Variants in SLC39A9 observed in about 807,000 individuals in gnomAD.
The protein encoded by SLC39A9 is zinc transporter ZIP9.
Under a neutral mutation model 28.4 loss-of-function variants are expected in SLC39A9, and 14 were observed. That is an observed-to-expected ratio of 0.49 (90% CI 0.33 to 0.77). The LOEUF (loss-of-function observed/expected upper bound fraction) is 0.77. SLC39A9 is among the 30% of genes least tolerant of loss of function. The pLI, the probability that SLC39A9 is intolerant of heterozygous loss-of-function variation, is 0.02. For missense variants in SLC39A9, 283 were observed against 381.1 expected (o/e 0.74, Z 2.14); for synonymous variants, 119 against 149.6 (o/e 0.80, Z 1.49).
Position 69,458,636 on chromosome 14 carries a change from G to C in SLC39A9, c.*43G>C. 6.5e-7 allele frequency: 1 copy of C among 1,538,230 alleles called. No homozygotes were observed. The highest frequency in any genetic ancestry group is 8.8e-7 in the Non-Finnish European group (1 of 1,137,372). The stretch of plus-strand genomic sequence containing the variant: ...TTGGTCCAGGGCCGTTTGCCATCCA[G>C]TGAGAACAGCCGGCACGTGACAGCT... On this transcript the variant is annotated 3_prime_UTR_variant, in exon 7 of 7. Coordinates refer to ENST00000336643, the MANE Select transcript of SLC39A9 (RefSeq NM_018375.5).
chr14:69,442,170 C>G lies in SLC39A9; in HGVS notation c.307C>G (p.Gln103Glu). Residue 103 changes from glutamine (Q) to glutamate (E), a missense_variant, in exon 3 of 7, where the codon CAG becomes GAG. Transcript: ENST00000336643. ...ACATGAGCACAGCCACGACCACACA[C>G]AGCTGCATGCCTATATTGGTGTTTC... ...HEHEHSHDHT[Q>E]LHAYIGVSLV... 1 of 1,614,238 alleles carries G rather than the reference C, an allele frequency of 6.2e-7. No individual in the cohort carries two copies. Among genetic ancestry groups the G allele is most frequent in the Non-Finnish European group, 8.5e-7 (1 of 1,180,038 alleles).
chr14:69,422,026 G>A (rs569114784), intron 1 of SLC39A9, among the ~76,000 whole-genome samples: 157 of 152,074 alleles, frequency 1.0e-3, no homozygotes, highest in Non-Finnish European at 1.8e-3. Flanking sequence ...TGTCCAACCC[G>A]TCCCAGTGAG....
At chr14:69,446,675 C>T (rs2139435679) in intron 3 of SLC39A9, among the ~76,000 whole-genome samples, 1 of 151,926 alleles carries the variant, frequency 6.6e-6, no homozygotes, top group African/African-American at 2.4e-5. Context: ...GAGTTCAAGA[C>T]CAGCCTGGCC....
intron 1 of SLC39A9, among the ~76,000 whole-genome samples, chr14:69,419,172 A>G (rs1402722907): frequency 1.3e-5 from 2 of 152,126 alleles, no homozygotes; most frequent in Non-Finnish European, 2.9e-5. Flanking sequence ...ACTGCTTTAA[A>G]TGTGTCCCAG....
At chr14:69,424,223 A>G in intron 2 of SLC39A9, 21 bp downstream of exon 2, 1 of 1,551,114 alleles carries the variant, frequency 6.4e-7, no homozygotes, top group Non-Finnish European at 8.9e-7. Context: ...GAAGAGCATT[A>G]TTTGAGATAT....
intron 3 of SLC39A9, among the ~76,000 whole-genome samples, chr14:69,445,338 A>G (rs942324413): frequency 1.3e-5 from 2 of 152,148 alleles, no homozygotes; most frequent in Non-Finnish European, 2.9e-5. Flanking sequence ...CAATGTGAAG[A>G]TGATGAGGAT....
chr14:69,453,355 G>T, intron 4 of SLC39A9, 46 bp downstream of exon 4: 1 of 1,555,358 alleles, frequency 6.4e-7, no homozygotes, highest in South Asian at 1.1e-5. Context: ...TATCGCACAG[G>T]GGAGACCTTA....
rs1357033187 is a variant in SLC39A9 at position 69,459,857 on chromosome 14, A to G, written c.*1264A>G. 2 of 985,074 alleles carry G rather than the reference A, an allele frequency of 2.0e-6. No homozygotes were observed. Among genetic ancestry groups the G allele is most frequent in the Non-Finnish European group, 2.4e-6 (2 of 829,760 alleles). The allele number at this position is 985,074 out of a possible 1,614,324, so 61.0% of individuals were successfully genotyped here. A position where few individuals can be genotyped will look rare whatever the true frequency, so the allele number is the denominator to read the frequency against. On this transcript the variant is annotated 3_prime_UTR_variant, in exon 7 of 7. Coordinates refer to ENST00000336643, the MANE Select transcript of SLC39A9 (RefSeq NM_018375.5). ...TTCTTATCAGGACAACCACTTCTCG[A>G]ACTGTAATAATGAAGATAATAATAT... is the stretch of plus-strand genomic sequence containing the variant.
Position 69,461,904 on chromosome 14 carries a change from T to C in SLC39A9, c.*3311T>C, listed in dbSNP as rs1011767197. 9.1e-6 allele frequency: 6 copies of C among 656,292 alleles called. No homozygotes were observed. Among genetic ancestry groups the C allele is most frequent in the Admixed American group, 3.1e-5 (1 of 32,338 alleles). The allele number at this position is 656,292 out of a possible 1,614,324, so 40.7% of individuals were successfully genotyped here. A position where few individuals can be genotyped will look rare whatever the true frequency, so the allele number is the denominator to read the frequency against. ...TGCAGTGTTAAGTGAAAATCCTCTG[T>C]AGTTGTTCTGCAGAGGAACCTTCCT... On this transcript the variant is annotated 3_prime_UTR_variant, in exon 7 of 7. Transcript: ENST00000336643.
rs1463582534 is a variant in SLC39A9 at position 69,461,534 on chromosome 14, A to C, written c.*2941A>C. The C allele has an allele frequency of 6.9e-7, 1 of 1,449,326 alleles. No homozygotes were observed. The highest frequency in any genetic ancestry group is 2.5e-5 in the East Asian group (1 of 39,946). The allele number at this position is 1,449,326 out of a possible 1,614,324, so 89.8% of individuals were successfully genotyped here. A position where few individuals can be genotyped will look rare whatever the true frequency, so the allele number is the denominator to read the frequency against. On this transcript the variant is annotated 3_prime_UTR_variant, in exon 7 of 7. Transcript: ENST00000336643. ...TCACCTCTTTCTTTCCCAATTCAAAACAGCCAAGTGAGCCCTGTTCTGGTA... is the reference window on the plus strand; with the variant it reads ...TCACCTCTTTCTTTCCCAATTCAAACCAGCCAAGTGAGCCCTGTTCTGGTA...
At chr14:69,408,703 C>T (rs1044038395) in intron 1 of SLC39A9, among the ~76,000 whole-genome samples, 1 of 152,156 alleles carries the variant, frequency 6.6e-6, no homozygotes, top group Non-Finnish European at 1.5e-5. Context: ...GTTTGTGAGT[C>T]TACAAGCCTC....
chr14:69,456,649 C>T (rs951409992), intron 6 of SLC39A9, among the ~76,000 whole-genome samples: 6 of 152,194 alleles, frequency 3.9e-5, no homozygotes, highest in Non-Finnish European at 7.3e-5. Flanking sequence ...AACAACCCTC[C>T]GCATTTTACC....
rs1886031956 is a variant in SLC39A9 at position 69,459,655 on chromosome 14, C to A, written c.*1062C>A. On this transcript the variant is annotated 3_prime_UTR_variant, in exon 7 of 7. Coordinates refer to ENST00000336643, the MANE Select transcript of SLC39A9 (RefSeq NM_018375.5). ...GGCGACACTGTGTCTTCTCACATAACCACCTGTAGCAAGATGGATCATAAA... is the reference window on the plus strand; with the variant it reads ...GGCGACACTGTGTCTTCTCACATAAACACCTGTAGCAAGATGGATCATAAA... 2 of 984,656 alleles carry A rather than the reference C, an allele frequency of 2.0e-6. No individual in the cohort carries two copies. Among genetic ancestry groups the A allele is most frequent in the Non-Finnish European group, 2.4e-6 (2 of 829,714 alleles). The allele number at this position is 984,656 out of a possible 1,614,324, so 61.0% of individuals were successfully genotyped here. A position where few individuals can be genotyped will look rare whatever the true frequency, so the allele number is the denominator to read the frequency against.
chr14:69,426,864 G>T (rs1440561440), intron 2 of SLC39A9, among the ~76,000 whole-genome samples: 1 of 152,038 alleles, frequency 6.6e-6, no homozygotes, highest in Non-Finnish European at 1.5e-5. Flanking sequence ...GTATATGTTT[G>T]TAAGTGTATA....
chr14:69,435,820 G>A lies in SLC39A9; in HGVS notation c.206-6249G>A, dbSNP rs183670329. ...CACAAGTAGCTGAGATTACAGGGGT[G>A]TGCCACCACGCCTGGCTTATTTTTG... On this transcript the variant is annotated intron_variant, in intron 2 of 6. Transcript: ENST00000336643. Among the ~76,000 whole-genome samples, 310 of 152,086 alleles carry A rather than the reference G, an allele frequency of 2.0e-3. 1 individual carries two copies. The highest frequency in any genetic ancestry group is 7.2e-3 in the African/African-American group (299 of 41,528).
intron 1 of SLC39A9, among the ~76,000 whole-genome samples, chr14:69,405,806 T>G (rs1348876317): frequency 6.6e-6 from 1 of 152,212 alleles, no homozygotes; most frequent in African/African-American, 2.4e-5. Flanking sequence ...GATACTATAT[T>G]GATAAACATA....
chr14:69,453,351 A>C, intron 4 of SLC39A9, 42 bp downstream of exon 4: 1 of 1,561,230 alleles, frequency 6.4e-7, no homozygotes, highest in Non-Finnish European at 8.8e-7. Context: ...TTTCTATCGC[A>C]CAGGGGAGAC....
chr14:69,405,824 C>T (rs1162301808), intron 1 of SLC39A9, among the ~76,000 whole-genome samples: 1 of 152,124 alleles, frequency 6.6e-6, no homozygotes, highest in Non-Finnish European at 1.5e-5. Context: ...ATAATTAAGA[C>T]TTATCTGCAT....
rs1004509359 is a variant in SLC39A9 at position 69,453,436 on chromosome 14, G to A, written c.472+127G>A. The A allele has an allele frequency of 3.5e-5, 27 of 762,572 alleles. No individual in the cohort carries two copies. The Admixed American group carries it at 6.0e-4, about 17-fold the overall frequency. 47.2% of individuals were successfully genotyped at this position (762,572 alleles called of 1,614,324 possible). A position where few individuals can be genotyped will look rare whatever the true frequency, so the allele number is the denominator to read the frequency against. Reference sequence around the variant, plus strand: ...GCCTTTGAGGAAAAGGTTTCTTAATGAAGTCCTCCAACACAAGCACAAGCT... The same window carrying A: ...GCCTTTGAGGAAAAGGTTTCTTAATAAAGTCCTCCAACACAAGCACAAGCT... On this transcript the variant is annotated intron_variant, in intron 4 of 6. Coordinates refer to ENST00000336643, the MANE Select transcript of SLC39A9 (RefSeq NM_018375.5).
Sources: gnomAD v4.1 joint callset for allele counts (sites outside exome capture counted in the v4.1 genomes callset) on GRCh38, gnomAD v4.1.1 for gene constraint, MANE v1.5 for transcripts, NCBI Gene and HGNC (gene_info 2026-07-23, HGNC 2026-07-21) for gene names.